DLGAP2: variants seen among roughly 807,000 people sequenced by gnomAD.
The protein encoded by DLGAP2 is disks large-associated protein 2.
A neutral mutation model predicts 100.3 loss-of-function variants in DLGAP2; 26 were observed. That is an observed-to-expected ratio of 0.26 (90% CI 0.19 to 0.36). The LOEUF (loss-of-function observed/expected upper bound fraction) is 0.36, where lower values mean the gene tolerates loss of function less well. DLGAP2 is among the 10% of genes least tolerant of loss of function. The pLI is 1.00. For synonymous variants in DLGAP2, 886 were observed against 630.1 expected, an observed-to-expected ratio of 1.41 and a Z score of -6.08; for missense variants, 1,858 against 1,453.2, an observed-to-expected ratio of 1.28 and a Z score of -4.53.
chr8:973,416 GCTC>G (rs1800072742), intron 2 of DLGAP2, among the ~76,000 whole-genome samples: 1 of 150,926 alleles, frequency 6.6e-6, no homozygotes, highest in Admixed American at 6.6e-5. Flanking sequence ...GGGCAGAGAC[GCTC>G]CTCACCTCCC....
chr8:959,479 C>G (rs577828526), intron 2 of DLGAP2, among the ~76,000 whole-genome samples: 3 of 152,206 alleles, frequency 2.0e-5, no homozygotes, highest in African/African-American at 4.8e-5. Flanking sequence ...AGAATGTGGT[C>G]TTGAAGAGCT....
chr8:739,654 T>C (rs1348914589), intron 1 of DLGAP2: 1 of 152,246 alleles, frequency 6.6e-6, no homozygotes, highest in African/African-American at 2.4e-5. Context: ...AAAAATGTCA[T>C]TAATCAGGAT....
chr8:1,388,255 C>G (rs1217496984), intron 3 of DLGAP2, among the ~76,000 whole-genome samples: 2 of 116,972 alleles, frequency 1.7e-5, no homozygotes, highest in African/African-American at 3.4e-5. Context: ...AGGCAGAGGC[C>G]GTGGATGAGG....
chr8:1,355,469 A>G (rs1446659458), intron 3 of DLGAP2, among the ~76,000 whole-genome samples: 3 of 151,964 alleles, frequency 2.0e-5, no homozygotes, highest in Non-Finnish European at 2.9e-5. Context: ...GGTTCAAGCG[A>G]TTCTCCTGCC....
At chr8:1,696,448 C>T (rs1156477154) in intron 13 of DLGAP2, among the ~76,000 whole-genome samples, 1 of 152,156 alleles carries the variant, frequency 6.6e-6, no homozygotes, top group Non-Finnish European at 1.5e-5. Flanking sequence ...TGCAGTGAGC[C>T]ATGATCACAC....
At chr8:1,557,835 C>A (rs571610018) in intron 5 of DLGAP2, among the ~76,000 whole-genome samples, 1 of 152,310 alleles carries the variant, frequency 6.6e-6, no homozygotes, top group Non-Finnish European at 1.5e-5. Context: ...CAGTGCCCAC[C>A]CTGGTGACCT....
intron 8 of DLGAP2, among the ~76,000 whole-genome samples, chr8:1,644,389 C>T (rs1024123881): frequency 1.3e-5 from 2 of 152,248 alleles, no homozygotes; most frequent in African/African-American, 2.4e-5. Context: ...TGCCCTCTCG[C>T]TCCCACCCGC....
intron 2 of DLGAP2, among the ~76,000 whole-genome samples, chr8:916,896 C>T (rs1203293673): frequency 1.3e-5 from 2 of 152,180 alleles, no homozygotes; most frequent in African/African-American, 2.4e-5. Flanking sequence ...CAAGATGATC[C>T]TGGCACTGAT....
chr8:1,454,506 TGGA>T (rs1285175670), intron 3 of DLGAP2, among the ~76,000 whole-genome samples: 1 of 152,152 alleles, frequency 6.6e-6, no homozygotes, highest in African/African-American at 2.4e-5. Flanking sequence ...AACCCACCCC[TGGA>T]GGAGAGGAGC....
intron 3 of DLGAP2, among the ~76,000 whole-genome samples, chr8:1,435,242 G>A (rs889627428): frequency 2.6e-5 from 4 of 152,198 alleles, no homozygotes; most frequent in East Asian, 3.9e-4. Context: ...GTAGTGGAAT[G>A]AGGGCAACAA....
chr8:792,562 G>A (rs188644422), intron 1 of DLGAP2, among the ~76,000 whole-genome samples: 4 of 152,244 alleles, frequency 2.6e-5, no homozygotes, highest in Admixed American at 6.5e-5. Flanking sequence ...CCCCTTAATC[G>A]TATTTTACAG....
intron 2 of DLGAP2, among the ~76,000 whole-genome samples, chr8:1,065,995 C>T (rs1323204254): frequency 1.3e-5 from 2 of 152,210 alleles, no homozygotes; most frequent in African/African-American, 2.4e-5. Context: ...AGCGTGGCCA[C>T]GTCGTGGTGG....
intron 2 of DLGAP2, among the ~76,000 whole-genome samples, chr8:1,118,929 C>T (rs954281580): frequency 1.3e-5 from 2 of 152,184 alleles, no homozygotes; most frequent in African/African-American, 4.8e-5. Flanking sequence ...TGAGACATAG[C>T]ATTATGCTTA....
intron 2 of DLGAP2, among the ~76,000 whole-genome samples, chr8:1,155,664 C>A (rs1412763742): frequency 6.6e-6 from 1 of 151,664 alleles, no homozygotes; most frequent in Non-Finnish European, 1.5e-5. Flanking sequence ...CCGAGACCCC[C>A]AGGCCCCTCC....
chr8:928,081 C>G (rs1019417463), intron 2 of DLGAP2, among the ~76,000 whole-genome samples: 1 of 152,190 alleles, frequency 6.6e-6, no homozygotes, highest in Non-Finnish European at 1.5e-5. Context: ...GTCTCATGGT[C>G]TTTGTGGCAG....
At chr8:1,279,141 C>G (rs889215460) in intron 3 of DLGAP2, among the ~76,000 whole-genome samples, 1 of 152,198 alleles carries the variant, frequency 6.6e-6, no homozygotes, top group Non-Finnish European at 1.5e-5. Context: ...ATAGAGGTGT[C>G]AGTAGTGTGC....
intron 2 of DLGAP2, among the ~76,000 whole-genome samples, chr8:1,216,492 C>G (rs1402722322): frequency 6.6e-6 from 1 of 151,704 alleles, no homozygotes; most frequent in African/African-American, 2.4e-5. Flanking sequence ...GCCACCATGC[C>G]TGGCTAATTT....
chr8:787,538 C>G (rs1051486228), intron 1 of DLGAP2, among the ~76,000 whole-genome samples: 1 of 152,242 alleles, frequency 6.6e-6, no homozygotes. Flanking sequence ...GCAGGGGGCA[C>G]TGGCCCATGC....
chr8:1,200,333 G>A (rs559870835), intron 2 of DLGAP2, among the ~76,000 whole-genome samples: 51 of 152,294 alleles, frequency 3.3e-4, no homozygotes, highest in South Asian at 8.3e-4. Context: ...GCTCAGTCCC[G>A]TGGCCCCGGC....
Sources: allele counts gnomAD v4.1 joint callset (sites outside exome capture counted in the v4.1 genomes callset), GRCh38; gene constraint gnomAD v4.1.1; transcripts MANE v1.5; gene names NCBI Gene and HGNC (gene_info 2026-07-23, HGNC 2026-07-21).